Variants in CCT8 observed in about 807,000 individuals in gnomAD.
CCT8 encodes the protein T-complex protein 1 subunit theta.
CCT8 carries 10 observed loss-of-function variants against 65.7 expected under a neutral mutation model. The ratio of observed to expected loss-of-function variants is 0.15; its 90% CI spans 0.09 to 0.26. The LOEUF is 0.26. CCT8 is among the 10% of genes least tolerant of loss of function. The pLI, the probability that CCT8 is intolerant of heterozygous loss-of-function variation, is 1.00. For synonymous variants in CCT8, 199 were observed against 221.8 expected, an observed-to-expected ratio of 0.90 and a Z score of 0.92; for missense variants, 568 against 669.1, an observed-to-expected ratio of 0.85 and a Z score of 1.67.
intron 1 of CCT8, among the ~76,000 whole-genome samples, chr21:29,071,361 G>T (rs2085677673): frequency 6.6e-6 from 1 of 152,052 alleles, no homozygotes. Context: ...ATGATTTTGT[G>T]ATCCAAAACC....
intron 14 of CCT8, among the ~76,000 whole-genome samples, chr21:29,057,753 GTATGA>G (rs550593645): frequency 2.0e-3 from 177 of 89,574 alleles, no homozygotes; most frequent in Non-Finnish European, 3.8e-3. Context: ...TCATGTATAT[GTATGA>G]TATGAGATAT....
chr21:29,069,882 T>G (rs930688968), intron 2 of CCT8, among the ~76,000 whole-genome samples: 1 of 152,226 alleles, frequency 6.6e-6, no homozygotes, highest in Admixed American at 6.5e-5. Flanking sequence ...TCCATGAAAC[T>G]GTATCATTTA....
chr21:29,073,404 TC>T (rs2146448104), intron 1 of CCT8, 126 bp downstream of exon 1: 2 of 1,517,682 alleles, frequency 1.3e-6, no homozygotes, highest in South Asian at 2.4e-5. Context: ...CTTTCTGGAA[TC>T]TTCTCTTCCC....
intron 3 of CCT8, among the ~76,000 whole-genome samples, chr21:29,068,947 A>T (rs1310306195): frequency 6.6e-6 from 1 of 152,246 alleles, no homozygotes; most frequent in African/African-American, 2.4e-5. Context: ...TTCAGGTGCC[A>T]GACCTTCCTT....
rs1248002113 is a variant in CCT8 at position 29,060,605 on chromosome 21, A to C, written c.1505T>G (p.Leu502Arg). The C allele has an allele frequency of 6.2e-7, 1 of 1,613,726 alleles. No homozygotes were observed. The highest frequency in any genetic ancestry group is 8.5e-7 in the Non-Finnish European group (1 of 1,179,766). ...MLEAGILDTY[L>R]GKYWAIKLAT... Reference sequence around the variant, plus strand: ...GAGTTTGATAGCCCAATATTTTCCCAGGTAAGTATCTAGAATACCAGCTTC... The same window carrying C: ...GAGTTTGATAGCCCAATATTTTCCCCGGTAAGTATCTAGAATACCAGCTTC... The change falls in exon 14 of 15, where the codon CTG becomes CGG. Residue 502 changes from leucine (L) to arginine (R), a missense_variant. By Grantham distance (102) the Leu-to-Arg change is moderately radical. Coordinates refer to ENST00000286788, the MANE Select transcript of CCT8 (RefSeq NM_006585.4).
intron 14 of CCT8, among the ~76,000 whole-genome samples, chr21:29,057,457 G>C (rs1425086895): frequency 1.3e-5 from 2 of 151,548 alleles, no homozygotes. Context: ...GAGCCACTGC[G>C]CTCGGCTGGA....
At chr21:29,059,670 C>A (rs895349031) in intron 14 of CCT8, 3 of 152,088 alleles carry the variant, frequency 2.0e-5, no homozygotes, top group African/African-American at 7.2e-5. Flanking sequence ...ACAGAGAAAC[C>A]CGTTAATCTG....
At chr21:29,071,931 T>A in intron 1 of CCT8, 3 of 702,422 alleles carry the variant, frequency 4.3e-6, no homozygotes, top group Non-Finnish European at 7.8e-6. Flanking sequence ...GGCCCTTGTA[T>A]GGCTCCTCCT....
rs11541483 is a variant in CCT8, at chr21:29,070,268, G to A, written c.130C>T (p.Arg44Cys). 28 of 1,605,992 alleles carry A rather than the reference G, an allele frequency of 1.7e-5. No homozygotes were observed. Among genetic ancestry groups the A allele is most frequent in the East Asian group, 4.5e-5 (2 of 44,772 alleles). Reference sequence around the variant, plus strand: ...TTACCATTTGGTCCATATGCTGTACGAGTGGTTTGGGCAAGCTCCTTGCAA... The same window carrying A: ...TTACCATTTGGTCCATATGCTGTACAAGTGGTTTGGGCAAGCTCCTTGCAA... Reference protein sequence around the residue: ...QACKELAQTTRTAYGPNGMNK... With the variant: ...QACKELAQTTCTAYGPNGMNK... The change falls in exon 2 of 15, where the codon CGT (arginine) becomes TGT (cysteine). Residue 44 changes from arginine (R) to cysteine (C), a missense_variant. By Grantham distance (180) the Arg-to-Cys change is radical (BLOSUM62 -3). Coordinates refer to ENST00000286788, the MANE Select transcript of CCT8 (RefSeq NM_006585.4).
At chr21:29,061,592 A>T (rs765466113) in intron 11 of CCT8, 25 bp from the exon 12 acceptor site, 1 of 1,603,360 alleles carries the variant, frequency 6.2e-7, no homozygotes, top group South Asian at 1.1e-5. Flanking sequence ...CCCACCAAAA[A>T]AAAAATGAAC....
chr21:29,070,008 G>A (rs2085663963), intron 2 of CCT8, among the ~76,000 whole-genome samples: 1 of 152,106 alleles, frequency 6.6e-6, no homozygotes, highest in South Asian at 2.1e-4. Flanking sequence ...ACTAGTCAAA[G>A]TGTTATAATT....
At position 29,070,983 on chromosome 21, in the gene CCT8, A is replaced by G. The variant is rs117259751; in HGVS notation, c.61-646T>C. On this transcript the variant is annotated intron_variant, in intron 1 of 14. Coordinates refer to ENST00000286788, the MANE Select transcript of CCT8 (RefSeq NM_006585.4). ...TGCAACATTATCCCAATGTATATGT[A>G]TTGAAAAGCGAACTGCTCACGGTAC... Among the ~76,000 whole-genome samples the G allele has an allele frequency of 7.2e-3, 1,097 of 152,340 alleles. 13 individuals are homozygous for G. The highest frequency in any genetic ancestry group is 0.012 in the Non-Finnish European group (797 of 68,036).
At chr21:29,068,601 AGGTG>A (rs1204312832) in intron 3 of CCT8, among the ~76,000 whole-genome samples, 1 of 152,104 alleles carries the variant, frequency 6.6e-6, no homozygotes, top group Non-Finnish European at 1.5e-5. Context: ...CTGGAACTAC[AGGTG>A]TGTGCCACCA....
At chr21:29,064,844 A>T in intron 7 of CCT8, 124 bp downstream of exon 7, 1 of 756,598 alleles carries the variant, frequency 1.3e-6, no homozygotes, top group South Asian at 1.9e-5. Context: ...AATCTGGCAT[A>T]AAAAAATAGG....
intron 6 of CCT8, 86 bp downstream of exon 6, chr21:29,066,630 C>T: frequency 2.6e-6 from 2 of 760,084 alleles, no homozygotes; most frequent in Non-Finnish European, 4.3e-6. Flanking sequence ...TAGATGAACA[C>T]ATTTTTTTTT....
At chr21:29,060,781 CT>C in intron 13 of CCT8, 121 bp from the exon 14 acceptor site, 1 of 1,014,774 alleles carries the variant, frequency 9.9e-7, no homozygotes, top group Non-Finnish European at 1.5e-6. Context: ...ACAGTCCTAC[CT>C]TATAGAGTCA....
At chr21:29,068,880 T>C (rs534161685) in intron 3 of CCT8, among the ~76,000 whole-genome samples, 3 of 152,210 alleles carry the variant, frequency 2.0e-5, no homozygotes, top group African/African-American at 7.2e-5. Flanking sequence ...TTCCCTGAGG[T>C]TGAATATGTT....
At chr21:29,067,327 TAA>T (rs2085634937) in intron 4 of CCT8, among the ~76,000 whole-genome samples, 1 of 151,926 alleles carries the variant, frequency 6.6e-6, no homozygotes, top group Non-Finnish European at 1.5e-5. Flanking sequence ...TCATCTAAAA[TAA>T]AGTGGGAAAA....
chr21:29,066,153 A>T (rs1304418256), intron 6 of CCT8, among the ~76,000 whole-genome samples: 1 of 152,108 alleles, frequency 6.6e-6, no homozygotes, highest in Non-Finnish European at 1.5e-5. Context: ...ATCACAGAAA[A>T]TGACTTTATA....
Sources: allele counts gnomAD v4.1 joint callset (sites outside exome capture counted in the v4.1 genomes callset), GRCh38; gene constraint gnomAD v4.1.1; transcripts MANE v1.5; gene names NCBI Gene and HGNC (gene_info 2026-07-23, HGNC 2026-07-21).